Variants in HACE1 observed in about 807,000 individuals in gnomAD.
HACE1 encodes HECT domain and ankyrin repeat containing E3 ubiquitin protein ligase 1, also known as E3 ubiquitin-protein ligase HACE1.
A neutral mutation model predicts 118.4 loss-of-function variants in HACE1; 73 were observed. The observed-to-expected ratio is 0.62, with a 90% CI of 0.51 to 0.75. HACE1 has a LOEUF of 0.75. Among genes scored for constraint, HACE1 ranks in the 30% least tolerant of loss-of-function variants. The pLI is 0.00. For missense variants in HACE1, 749 were observed against 1,102.2 expected (o/e 0.68, Z 4.54); for synonymous variants, 368 against 374.8 (o/e 0.98, Z 0.21).
Position 104,859,597 on chromosome 6 carries a change from G to A in HACE1, c.46C>T (p.Arg16Cys). Reference sequence around the variant, plus strand: ...GGCAACTCCACGGTGCGCGCGCGGCGCAGCGAGCGCGTCAGGCGGTTGAGT... The same window carrying A: ...GGCAACTCCACGGTGCGCGCGCGGCACAGCGAGCGCGTCAGGCGGTTGAGT... ...EQLNRLTRSL[R>C]RARTVELPED... Residue 16 changes from arginine to cysteine, a missense_variant, in exon 1 of 24, where the codon CGC (arginine) becomes TGC (cysteine). Physicochemically the swap from Arg to Cys is radical, Grantham distance 180. Transcript: ENST00000262903. The A allele has an allele frequency of 1.3e-6, 2 of 1,528,580 alleles. No individual in the cohort carries two copies. The allele number at this position is 1,528,580 out of a possible 1,614,324, so 94.7% of individuals were successfully genotyped here. A position where few individuals can be genotyped will look rare whatever the true frequency, so the allele number is the denominator to read the frequency against.
At chr6:104,762,384 T>C (rs1357908726) in intron 19 of HACE1, among the ~76,000 whole-genome samples, 1 of 152,074 alleles carries the variant, frequency 6.6e-6, no homozygotes, top group Non-Finnish European at 1.5e-5. Context: ...AAATGGTGAG[T>C]TCATGTCCTT....
chr6:104,820,051 C>T (rs546355480), intron 6 of HACE1, among the ~76,000 whole-genome samples: 26 of 151,894 alleles, frequency 1.7e-4, no homozygotes, highest in African/African-American at 6.0e-4. Context: ...AAAAATTAGC[C>T]GGGAATGGTG....
intron 6 of HACE1, 30 bp from the exon 7 acceptor site, chr6:104,811,423 G>A: frequency 8.7e-6 from 9 of 1,030,100 alleles, no homozygotes; most frequent in Non-Finnish European, 9.2e-6. Flanking sequence ...TAAAAGTAAA[G>A]CCAGAGGAAT....
chr6:104,847,168 T>C (rs1291251282), intron 4 of HACE1, among the ~76,000 whole-genome samples: 2 of 152,244 alleles, frequency 1.3e-5, no homozygotes, highest in Admixed American at 6.5e-5. Context: ...CTAAGACTTA[T>C]TTCTTGCTCC....
chr6:104,806,847 C>T (rs1582572543), intron 7 of HACE1, among the ~76,000 whole-genome samples: 2 of 152,070 alleles, frequency 1.3e-5, no homozygotes, highest in Admixed American at 1.3e-4. Flanking sequence ...ATTTCTCAAA[C>T]ACTTTCGGCC....
intron 22 of HACE1, 71 bp downstream of exon 22, chr6:104,744,089 T>C: frequency 1.1e-6 from 1 of 881,738 alleles, no homozygotes; most frequent in East Asian, 2.4e-5. Flanking sequence ...TTCCTTATTT[T>C]AGTTATCTCT....
At chr6:104,776,521 G>C (rs570237868) in intron 17 of HACE1, among the ~76,000 whole-genome samples, 67 of 152,262 alleles carry the variant, frequency 4.4e-4, no homozygotes, top group African/African-American at 1.5e-3. Flanking sequence ...ACTGTTTAGA[G>C]GAACAAATGT....
chr6:104,810,886 C>T (rs935305308), intron 7 of HACE1, among the ~76,000 whole-genome samples: 2 of 151,896 alleles, frequency 1.3e-5, no homozygotes, highest in Admixed American at 6.6e-5. Context: ...AGATATATTC[C>T]AACAGCTTAT....
intron 3 of HACE1, among the ~76,000 whole-genome samples, chr6:104,849,809 A>T (rs1776017212): frequency 6.7e-6 from 1 of 149,784 alleles, no homozygotes. Flanking sequence ...CCACCATGCC[A>T]GGCTACTTTT....
intron 22 of HACE1, among the ~76,000 whole-genome samples, chr6:104,732,534 G>C (rs984800900): frequency 1.3e-5 from 2 of 152,152 alleles, no homozygotes; most frequent in African/African-American, 4.8e-5. Flanking sequence ...GTTAGAGGCG[G>C]GTGGGAAAGG....
At chr6:104,833,873 T>C (rs1774257756) in intron 5 of HACE1, among the ~76,000 whole-genome samples, 1 of 151,942 alleles carries the variant, frequency 6.6e-6, no homozygotes, top group African/African-American at 2.4e-5. Flanking sequence ...TAATCCCAGC[T>C]ACTTGGGAGG....
intron 1 of HACE1, chr6:104,858,526 C>T (rs1280940572): frequency 1.0e-5 from 4 of 380,986 alleles, no homozygotes; most frequent in Middle Eastern, 3.6e-4. Flanking sequence ...ATAGTGAGAC[C>T]TCATCTCTAT....
At chr6:104,779,170 C>T (rs557305231) in intron 14 of HACE1, among the ~76,000 whole-genome samples, 8 of 152,216 alleles carry the variant, frequency 5.3e-5, no homozygotes, top group Non-Finnish European at 8.8e-5. Flanking sequence ...ATGATACAGA[C>T]GGCAAGAAAA....
Position 104,791,505 on chromosome 6 carries a change from T to C in HACE1, c.1073A>G (p.Lys358Arg). The C allele has an allele frequency of 6.2e-7, 1 of 1,611,968 alleles. No individual in the cohort carries two copies. The change falls in exon 11 of 24, where the codon AAG becomes AGG. Residue 358 changes from lysine (K) to arginine (R), a missense_variant and splice_region_variant. Physicochemically the swap from Lys to Arg is conservative, Grantham distance 26. Transcript: ENST00000262903. Reference protein sequence around the residue: ...GNKTPRSQVFKPLELLWHSLD... With the variant: ...GNKTPRSQVFRPLELLWHSLD... ...AACAATGCCATATACTTTTCTCACCTTGAACACCTGGCTTCTTGGAGTTTT... is the reference window on the plus strand; with the variant it reads ...AACAATGCCATATACTTTTCTCACCCTGAACACCTGGCTTCTTGGAGTTTT...
chr6:104,761,557 T>A (rs1418028287), intron 19 of HACE1, among the ~76,000 whole-genome samples: 1 of 152,142 alleles, frequency 6.6e-6, no homozygotes, highest in East Asian at 1.9e-4. Flanking sequence ...TCAAGACGGA[T>A]GAAAGACTTA....
rs529858004 is a variant in HACE1 at position 104,766,152 on chromosome 6, G to A, written c.2211+5041C>T. Among the ~76,000 whole-genome samples the A allele has an allele frequency of 1.1e-4, 16 of 152,306 alleles. No homozygotes were observed. The South Asian group carries it at 2.7e-3, about 26-fold the overall frequency. On this transcript the variant is annotated intron_variant, in intron 19 of 23. Transcript: ENST00000262903. Reference sequence around the variant, plus strand: ...AAATGCACATCGGCCTTGGCCCCACGTGGGGCACAGTGGGGAACCTGCTCT... The same window carrying A: ...AAATGCACATCGGCCTTGGCCCCACATGGGGCACAGTGGGGAACCTGCTCT...
chr6:104,858,467 C>A, intron 1 of HACE1: 1 of 390,362 alleles, frequency 2.6e-6, no homozygotes, highest in South Asian at 1.8e-5. Flanking sequence ...TTGGGGGGAG[C>A]AGGGTGCGGA....
intron 19 of HACE1, among the ~76,000 whole-genome samples, chr6:104,770,341 A>C (rs1311685938): frequency 6.6e-6 from 1 of 152,340 alleles, no homozygotes; most frequent in East Asian, 1.9e-4. Context: ...ATTAAATCTT[A>C]AAGTCATATT....
chr6:104,826,464 T>C (rs529991202), intron 6 of HACE1, among the ~76,000 whole-genome samples: 18 of 152,346 alleles, frequency 1.2e-4, no homozygotes, highest in African/African-American at 3.8e-4. Context: ...TTAGCAAATT[T>C]CTTGCCCCTA....
Sources: gnomAD v4.1 joint callset for allele counts (sites outside exome capture counted in the v4.1 genomes callset) on GRCh38, gnomAD v4.1.1 for gene constraint, MANE v1.5 for transcripts, NCBI Gene and HGNC (gene_info 2026-07-23, HGNC 2026-07-21) for gene names.